The following RIMS2 variants were observed in gnomAD, a reference collection of about 807,000 sequenced individuals.
RIMS2 encodes regulating synaptic membrane exocytosis 2.
Under a neutral mutation model 174.4 loss-of-function variants are expected in RIMS2, and 59 were observed. The ratio of observed to expected loss-of-function variants is 0.34; its 90% CI spans 0.27 to 0.42. The LOEUF is 0.42. RIMS2 is among the 10% of genes least tolerant of loss of function. The pLI is 1.00. For synonymous variants in RIMS2, 606 were observed against 572.5 expected (o/e 1.06, Z -0.84); for missense variants, 1,620 against 1,666.3 (o/e 0.97, Z 0.48).
chr8:104,124,438 T>A (rs1210969348), intron 19 of RIMS2, among the ~76,000 whole-genome samples: 1 of 152,128 alleles, frequency 6.6e-6, no homozygotes, highest in Admixed American at 6.6e-5. Context: ...ATTTTGCCTC[T>A]TCTCACTCAA....
intron 2 of RIMS2, among the ~76,000 whole-genome samples, chr8:103,721,491 A>G (rs967528605): frequency 1.3e-5 from 2 of 152,228 alleles, no homozygotes; most frequent in Non-Finnish European, 2.9e-5. Context: ...TTGAAGTTTT[A>G]TAGAAGATGA....
intron 19 of RIMS2, among the ~76,000 whole-genome samples, chr8:104,212,929 G>T (rs1196227059): frequency 6.6e-6 from 1 of 152,158 alleles, no homozygotes; most frequent in Non-Finnish European, 1.5e-5. Context: ...CGTCATACAT[G>T]CTGTCCCCTC....
intron 2 of RIMS2, among the ~76,000 whole-genome samples, chr8:103,709,594 C>G (rs1206392710): frequency 6.6e-6 from 1 of 152,124 alleles, no homozygotes; most frequent in African/African-American, 2.4e-5. Flanking sequence ...AGTCTTTAAC[C>G]AATATCCCAT....
At chr8:104,208,553 GT>G (rs2099091302) in intron 19 of RIMS2, among the ~76,000 whole-genome samples, 1 of 149,156 alleles carries the variant, frequency 6.7e-6, no homozygotes, top group Non-Finnish European at 1.5e-5. Context: ...GGGTGGCAGA[GT>G]GAGACTCCAT....
intron 2 of RIMS2, among the ~76,000 whole-genome samples, chr8:103,757,765 C>CACAA (rs1268546284): frequency 6.6e-6 from 1 of 152,138 alleles, no homozygotes; most frequent in Non-Finnish European, 1.5e-5. Flanking sequence ...TGTATCTGTG[C>CACAA]ACAAACACAG....
intron 19 of RIMS2, among the ~76,000 whole-genome samples, chr8:104,128,180 T>A (rs1465252730): frequency 2.0e-5 from 3 of 152,172 alleles, no homozygotes; most frequent in Non-Finnish European, 4.4e-5. Context: ...TGGCACTAAA[T>A]TTAAATTCTT....
At chr8:103,868,557 T>C (rs1050085614) in intron 3 of RIMS2, among the ~76,000 whole-genome samples, 4 of 152,124 alleles carry the variant, frequency 2.6e-5, no homozygotes, top group African/African-American at 4.8e-5. Flanking sequence ...TTAATGATAA[T>C]AGCATGAACA....
At chr8:103,804,787 G>A (rs1228246095) in intron 3 of RIMS2, among the ~76,000 whole-genome samples, 1 of 151,930 alleles carries the variant, frequency 6.6e-6, no homozygotes, top group Non-Finnish European at 1.5e-5. Flanking sequence ...CACTTATAAG[G>A]AGTTTGTAGA....
At chr8:103,512,944 A>T (rs62527067) in intron 1 of RIMS2, among the ~76,000 whole-genome samples, 1 of 152,176 alleles carries the variant, frequency 6.6e-6, no homozygotes, top group Non-Finnish European at 1.5e-5. Context: ...AATCAGCAGG[A>T]AATTTTTTTT....
chr8:104,206,544 T>G (rs1277377002), intron 19 of RIMS2, among the ~76,000 whole-genome samples: 1 of 152,254 alleles, frequency 6.6e-6, no homozygotes, highest in African/African-American at 2.4e-5. Context: ...GTTCTCATTA[T>G]GTACCACGCA....
At chr8:103,883,685 C>T (rs945959753) in intron 3 of RIMS2, among the ~76,000 whole-genome samples, 3 of 151,582 alleles carry the variant, frequency 2.0e-5, no homozygotes, top group Admixed American at 1.3e-4. Flanking sequence ...TTTATAGTTC[C>T]AGGTTAGAGT....
chr8:104,053,062 C>G (rs1440213927), intron 19 of RIMS2, among the ~76,000 whole-genome samples: 3 of 152,156 alleles, frequency 2.0e-5, no homozygotes, highest in Non-Finnish European at 4.4e-5. Context: ...GAGGAATGAT[C>G]AGTTGATTTG....
chr8:103,791,885 T>C (rs2098502366), intron 3 of RIMS2, among the ~76,000 whole-genome samples: 1 of 152,118 alleles, frequency 6.6e-6, no homozygotes, highest in Admixed American at 6.5e-5. Flanking sequence ...CCTAAATATA[T>C]ATATACTCAA....
intron 11 of RIMS2, among the ~76,000 whole-genome samples, chr8:103,929,523 T>C (rs2154531336): frequency 6.6e-6 from 1 of 151,922 alleles, no homozygotes; most frequent in Admixed American, 6.6e-5. Flanking sequence ...TTTTTTTTCC[T>C]TTGAGGCCTT....
chr8:103,553,701 AT>A (rs1171313683), intron 1 of RIMS2, among the ~76,000 whole-genome samples: 1 of 152,164 alleles, frequency 6.6e-6, no homozygotes, highest in African/African-American at 2.4e-5. Flanking sequence ...GAAAAAGACT[AT>A]TTTGAAATTC....
intron 19 of RIMS2, among the ~76,000 whole-genome samples, chr8:104,185,649 A>G (rs1359346441): frequency 6.6e-6 from 1 of 151,712 alleles, no homozygotes. Context: ...CATTATCATT[A>G]TCACTAGTAA....
intron 3 of RIMS2, among the ~76,000 whole-genome samples, chr8:103,773,142 GAA>G (rs889613439): frequency 1.4e-5 from 2 of 144,752 alleles, no homozygotes; most frequent in Non-Finnish European, 3.1e-5. Context: ...TCTATAAAAT[GAA>G]AAAAAAAATC....
intron 1 of RIMS2, among the ~76,000 whole-genome samples, chr8:103,646,958 C>G (rs1404983907): frequency 2.0e-5 from 3 of 152,098 alleles, no homozygotes; most frequent in Non-Finnish European, 4.4e-5. Flanking sequence ...CAGTATGATA[C>G]TGGCTATGGC....
rs561412137 is a variant in RIMS2 at position 104,075,805 on chromosome 8, C to T, written c.3334+61190C>T. On this transcript the variant is annotated intron_variant, in intron 19 of 23. Coordinates refer to ENST00000504942, the Ensembl canonical transcript of RIMS2. Reference sequence around the variant, plus strand: ...TATTCTTAAATGCCAGACTAGCCTACGAAACTATGAGAGTATGCTTAGTAC... The same window carrying T: ...TATTCTTAAATGCCAGACTAGCCTATGAAACTATGAGAGTATGCTTAGTAC... 3.9e-5 allele frequency among the ~76,000 whole-genome samples: 6 copies of T among 152,216 alleles called. No homozygotes were observed. The East Asian group carries it at 7.7e-4, about 20-fold the overall frequency.
Sources: gnomAD v4.1 joint callset for allele counts (sites outside exome capture counted in the v4.1 genomes callset) on GRCh38, gnomAD v4.1.1 for gene constraint, MANE v1.5 for transcripts, NCBI Gene and HGNC (gene_info 2026-07-23, HGNC 2026-07-21) for gene names.